Variants in BNC2 observed in about 807,000 individuals in gnomAD.
BNC2 encodes the protein basonuclin zinc finger protein 2, also known as zinc finger protein basonuclin-2.
Under a neutral mutation model 76.3 loss-of-function variants are expected in BNC2, and 20 were observed. That is an observed-to-expected ratio of 0.26 (90% CI 0.18 to 0.38). The LOEUF is 0.38. Among genes scored for constraint, BNC2 ranks in the 10% least tolerant of loss-of-function variants. BNC2 has a pLI of 1.00. For synonymous variants in BNC2, 582 were observed against 514.8 expected (o/e 1.13, Z -1.77); for missense variants, 1,382 against 1,399.8 (o/e 0.99, Z 0.20).
intron 6 of BNC2, among the ~76,000 whole-genome samples, chr9:16,431,998 G>A (rs1202557469): frequency 6.6e-6 from 1 of 152,166 alleles, no homozygotes; most frequent in Non-Finnish European, 1.5e-5. Flanking sequence ...TGCAGCCCCG[G>A]GGTTGGGGAC....
intron 4 of BNC2, among the ~76,000 whole-genome samples, chr9:16,567,575 G>A (rs1251185640): frequency 6.6e-6 from 1 of 152,100 alleles, no homozygotes; most frequent in African/African-American, 2.4e-5. Context: ...AATATTTTCT[G>A]TGAAGGTCAC....
intron 5 of BNC2, among the ~76,000 whole-genome samples, chr9:16,550,822 T>C (rs989675545): frequency 1.3e-5 from 2 of 152,198 alleles, no homozygotes; most frequent in African/African-American, 4.8e-5. Flanking sequence ...GAAAGGACTG[T>C]TAGCCAAGCT....
intron 3 of BNC2, among the ~76,000 whole-genome samples, chr9:16,657,246 T>C (rs1587280768): frequency 1.3e-5 from 2 of 152,172 alleles, no homozygotes; most frequent in South Asian, 4.1e-4. Context: ...AAAAGATTTA[T>C]GTTTAAAAGG....
chr9:16,819,757 A>G (rs1240205178), intron 1 of BNC2, among the ~76,000 whole-genome samples: 1 of 152,148 alleles, frequency 6.6e-6, no homozygotes, highest in African/African-American at 2.4e-5. Context: ...AGGTACCCAT[A>G]CCAAGCACTC....
Position 16,581,589 on chromosome 9 carries a change from T to C in BNC2, c.433+1394A>G, listed in dbSNP as rs112122742. Among the ~76,000 whole-genome samples the C allele has an allele frequency of 1.9e-4, 29 of 152,270 alleles. 1 individual carries two copies. Among genetic ancestry groups the C allele is most frequent in the African/African-American group, 5.5e-4 (23 of 41,586 alleles). On this transcript the variant is annotated intron_variant, in intron 4 of 6. Transcript: ENST00000380672. ...AGAAGCCTCAGAATGAAACCAACCC[T>C]GCCAACACTTTGATCTTGGAATTCT...
Position 16,822,149 on chromosome 9 carries a change from A to G in BNC2, c.3+48497T>C, listed in dbSNP as rs186729395. Among the ~76,000 whole-genome samples the G allele has an allele frequency of 3.2e-3, 477 of 149,544 alleles. 1 individual carries two copies. Among genetic ancestry groups the G allele is most frequent in the Admixed American group, 7.1e-3 (106 of 14,996 alleles). On this transcript the variant is annotated intron_variant, in intron 1 of 6. Transcript: ENST00000380672. ...GTAGTAGTGACATGCCCGTAATCCC[A>G]GCTACTCAGGAAGCTGAGGCAGGAG...
At position 16,705,448 on chromosome 9, in the gene BNC2, A is replaced by AC. The variant is rs574812123; in HGVS notation, c.330+22348dup. 8.9e-4 allele frequency among the ~76,000 whole-genome samples: 136 copies of AC among 151,960 alleles called. 1 individual carries two copies. Among genetic ancestry groups the AC allele is most frequent in the African/African-American group, 3.1e-3 (130 of 41,418 alleles). ...ACCCTGCTCTTGAACATGACCCCTG[A>AC]CCCCTTGCATTGTGACCAGCTTGTG... On this transcript the variant is annotated intron_variant, in intron 3 of 6. Transcript: ENST00000380672.
At chr9:16,688,182 G>C (rs1823032325) in intron 3 of BNC2, among the ~76,000 whole-genome samples, 1 of 152,084 alleles carries the variant, frequency 6.6e-6, no homozygotes, top group Non-Finnish European at 1.5e-5. Context: ...ACCACAATCA[G>C]CGTCATCAGT....
intron 3 of BNC2, among the ~76,000 whole-genome samples, chr9:16,659,058 C>T (rs1023324919): frequency 6.6e-6 from 1 of 152,006 alleles, no homozygotes; most frequent in Non-Finnish European, 1.5e-5. Context: ...AGAACAGTGG[C>T]TAACTTAAGA....
At chr9:16,516,808 A>C (rs553584052) in intron 5 of BNC2, among the ~76,000 whole-genome samples, 1 of 152,350 alleles carries the variant, frequency 6.6e-6, no homozygotes, top group East Asian at 1.9e-4. Flanking sequence ...TGTCGTATTA[A>C]AAGCATCTCT....
intron 3 of BNC2, among the ~76,000 whole-genome samples, chr9:16,657,041 A>G (rs969175851): frequency 2.0e-5 from 3 of 152,150 alleles, no homozygotes; most frequent in African/African-American, 7.2e-5. Context: ...TAGACACTAA[A>G]AATTTAGCTT....
intron 5 of BNC2, among the ~76,000 whole-genome samples, chr9:16,455,280 G>C (rs1008065151): frequency 1.3e-5 from 2 of 152,216 alleles, no homozygotes; most frequent in African/African-American, 4.8e-5. Context: ...AAGTGGTAGA[G>C]AGCATCTTTT....
intron 1 of BNC2, among the ~76,000 whole-genome samples, chr9:16,787,916 T>C (rs1826342005): frequency 6.6e-6 from 1 of 152,182 alleles, no homozygotes; most frequent in African/African-American, 2.4e-5. Context: ...GAACCGTTAC[T>C]GAATTAGAAT....
At chr9:16,725,721 C>G (rs1325939922) in intron 3 of BNC2, among the ~76,000 whole-genome samples, 1 of 86,402 alleles carries the variant, frequency 1.2e-5, no homozygotes, top group Non-Finnish European at 1.8e-5. Flanking sequence ...AATATCCACA[C>G]AGTCAGACAG....
intron 3 of BNC2, among the ~76,000 whole-genome samples, chr9:16,596,167 G>C (rs1472637598): frequency 6.6e-6 from 1 of 152,058 alleles, no homozygotes; most frequent in Admixed American, 6.6e-5. Context: ...GGCTATGAAG[G>C]ACTTTAAGGT....
chr9:16,504,310 T>C (rs981698731), intron 5 of BNC2, among the ~76,000 whole-genome samples: 20 of 151,694 alleles, frequency 1.3e-4, no homozygotes, highest in Non-Finnish European at 2.6e-4. Flanking sequence ...TATTAATACA[T>C]GTATTCCAGA....
intron 3 of BNC2, among the ~76,000 whole-genome samples, chr9:16,689,163 CAA>C (rs58620248): frequency 0.014 from 704 of 50,472 alleles, 1 homozygote; most frequent in African/African-American, 0.04. Context: ...ACTGAGATCA[CAA>C]AAAAAAAAAA....
chr9:16,560,472 G>A (rs1818976451), intron 4 of BNC2, among the ~76,000 whole-genome samples: 1 of 152,160 alleles, frequency 6.6e-6, no homozygotes, highest in Non-Finnish European at 1.5e-5. Context: ...AATGCTTTGG[G>A]AGGCTAAGAT....
chr9:16,766,280 A>T (rs896307876), intron 1 of BNC2, among the ~76,000 whole-genome samples: 2 of 152,128 alleles, frequency 1.3e-5, no homozygotes, highest in African/African-American at 4.8e-5. Context: ...GTTTCCTTTA[A>T]TTGAGGTTAA....
Sources: gnomAD v4.1 joint callset for allele counts (sites outside exome capture counted in the v4.1 genomes callset) on GRCh38, gnomAD v4.1.1 for gene constraint, MANE v1.5 for transcripts, NCBI Gene and HGNC (gene_info 2026-07-23, HGNC 2026-07-21) for gene names.